Variants in AP3B1 observed in about 807,000 individuals in gnomAD.
AP3B1 encodes AP-3 complex subunit beta-1.
AP3B1 carries 61 observed loss-of-function variants against 132.5 expected under a neutral mutation model. That is an observed-to-expected ratio of 0.46 (90% confidence interval 0.37 to 0.57). The LOEUF (loss-of-function observed/expected upper bound fraction) is 0.57, where lower values mean the gene tolerates loss of function less well. AP3B1 is among the 20% of genes least tolerant of loss of function. The probability of loss-of-function intolerance (pLI) is 0.00; values close to 1 mark genes in which losing one functional copy is unlikely to be tolerated. For missense variants in AP3B1, 1,120 were observed against 1,289.4 expected (o/e 0.87, Z 2.01); for synonymous variants, 388 against 438.3 (o/e 0.89, Z 1.43).
intron 24 of AP3B1, among the ~76,000 whole-genome samples, chr5:78,029,904 A>T (rs1484967259): frequency 6.6e-6 from 1 of 152,116 alleles, no homozygotes; most frequent in Non-Finnish European, 1.5e-5. Context: ...AATAATTTAA[A>T]CAATATTTAA....
chr5:78,016,681 C>T (rs963649107), intron 25 of AP3B1, among the ~76,000 whole-genome samples: 1 of 151,970 alleles, frequency 6.6e-6, no homozygotes, highest in Non-Finnish European at 1.5e-5. Context: ...AACACTAAAG[C>T]CTAACATTGT....
intron 22 of AP3B1, among the ~76,000 whole-genome samples, chr5:78,070,714 G>GA (rs554167963): frequency 2.8e-3 from 392 of 140,536 alleles, no homozygotes; most frequent in Admixed American, 8.8e-3. Context: ...AAATTAACAA[G>GA]AAAAAAACAA....
chr5:78,259,586 T>G (rs1195074032), intron 2 of AP3B1, among the ~76,000 whole-genome samples: 4 of 152,212 alleles, frequency 2.6e-5, no homozygotes. Flanking sequence ...TTCCCCATGA[T>G]GTGCTTATTT....
chr5:78,274,922 T>TAAA (rs111312994), intron 1 of AP3B1, among the ~76,000 whole-genome samples: 1 of 135,100 alleles, frequency 7.4e-6, no homozygotes, highest in African/African-American at 2.5e-5. Context: ...ATCTTTTTTT[T>TAAA]AAAAAAAAAG....
chr5:78,242,380 C>T (rs556241855), intron 2 of AP3B1, among the ~76,000 whole-genome samples: 2 of 151,592 alleles, frequency 1.3e-5, no homozygotes, highest in East Asian at 3.9e-4. Context: ...AACACCTGGG[C>T]CACTGTGTCA....
intron 1 of AP3B1, among the ~76,000 whole-genome samples, chr5:78,290,398 T>C (rs1269022941): frequency 6.6e-6 from 1 of 152,154 alleles, no homozygotes. Context: ...CAGTCTTCCT[T>C]CTAATACACC....
chr5:78,152,080 CCCTT>C (rs1223462762), intron 14 of AP3B1, among the ~76,000 whole-genome samples: 1 of 125,278 alleles, frequency 8.0e-6, no homozygotes, highest in Non-Finnish European at 1.7e-5. Context: ...CCTTCCCTCT[CCCTT>C]CCTTTCCCTT....
intron 7 of AP3B1, among the ~76,000 whole-genome samples, chr5:78,215,618 G>C (rs1251899082): frequency 2.0e-5 from 3 of 152,100 alleles, no homozygotes; most frequent in African/African-American, 7.2e-5. Context: ...TATCTATAGA[G>C]GCAAGAAATT....
intron 21 of AP3B1, among the ~76,000 whole-genome samples, chr5:78,092,848 C>A (rs150368864): frequency 6.6e-6 from 1 of 152,032 alleles, no homozygotes; most frequent in Non-Finnish European, 1.5e-5. Context: ...AGGAGTCTCA[C>A]TTTGTTGTCC....
At chr5:78,026,447 C>T (rs1239014396) in intron 24 of AP3B1, among the ~76,000 whole-genome samples, 2 of 152,138 alleles carry the variant, frequency 1.3e-5, no homozygotes, top group East Asian at 3.9e-4. Flanking sequence ...TCAAGTTTCT[C>T]ATCTATGAAT....
intron 11 of AP3B1, among the ~76,000 whole-genome samples, chr5:78,174,011 G>A (rs1259547730): frequency 3.9e-5 from 6 of 152,114 alleles, no homozygotes; most frequent in Non-Finnish European, 5.9e-5. Flanking sequence ...CAAAGCTCTC[G>A]TGCCACAGTT....
chr5:78,080,515 T>A (rs1227240607), intron 22 of AP3B1, among the ~76,000 whole-genome samples: 1 of 151,546 alleles, frequency 6.6e-6, no homozygotes, highest in African/African-American at 2.4e-5. Flanking sequence ...CATTCTTGCA[T>A]GTTTTCATGT....
chr5:78,056,498 A>T (rs903663258), intron 22 of AP3B1, among the ~76,000 whole-genome samples: 1 of 152,236 alleles, frequency 6.6e-6, no homozygotes, highest in Non-Finnish European at 1.5e-5. Context: ...GATTAAAAGT[A>T]CATGTCAAAA....
chr5:78,179,498 ACG>A (rs1405330108), intron 8 of AP3B1, among the ~76,000 whole-genome samples: 1 of 152,198 alleles, frequency 6.6e-6, no homozygotes, highest in Non-Finnish European at 1.5e-5. Flanking sequence ...TAATTTGTAA[ACG>A]CCATGAAAAA....
At chr5:78,159,721 G>A (rs1181643949) in intron 13 of AP3B1, among the ~76,000 whole-genome samples, 1 of 152,148 alleles carries the variant, frequency 6.6e-6, no homozygotes, top group East Asian at 1.9e-4. Flanking sequence ...CATATTCACA[G>A]GTTCTGGGCA....
At chr5:78,250,956 G>C (rs1422990705) in intron 2 of AP3B1, among the ~76,000 whole-genome samples, 6 of 152,034 alleles carry the variant, frequency 3.9e-5, no homozygotes, top group Non-Finnish European at 7.4e-5. Context: ...ATTTGACAGG[G>C]GAGAAGACAG....
intron 22 of AP3B1, among the ~76,000 whole-genome samples, chr5:78,048,354 A>C (rs1023362249): frequency 6.6e-6 from 1 of 152,162 alleles, no homozygotes; most frequent in Non-Finnish European, 1.5e-5. Context: ...TCTTTACCCT[A>C]TAGTGGTTAT....
rs560744161 is a variant in AP3B1 at position 78,238,858 on chromosome 5, C to T, written c.279+2004G>A. ...ATATTAAGTGTTAGCAAAATAGACA[C>T]TCCAATTAAAAGGCAGAGATTGACA... On this transcript the variant is annotated intron_variant, in intron 3 of 26. Transcript: ENST00000255194. Among the ~76,000 whole-genome samples, 8 of 150,458 alleles carry T rather than the reference C, an allele frequency of 5.3e-5. No individual in the cohort carries two copies. The South Asian group carries it at 1.5e-3, about 28-fold the overall frequency.
chr5:78,217,261 AG>A (rs1746001876), intron 6 of AP3B1, among the ~76,000 whole-genome samples: 1 of 152,180 alleles, frequency 6.6e-6, no homozygotes, highest in Non-Finnish European at 1.5e-5. Flanking sequence ...GCTGACATTT[AG>A]TTTATTAATA....
Sources: allele counts gnomAD v4.1 joint callset (sites outside exome capture counted in the v4.1 genomes callset), GRCh38; gene constraint gnomAD v4.1.1; transcripts MANE v1.5; gene names NCBI Gene and HGNC (gene_info 2026-07-23, HGNC 2026-07-21).